TTC3: variants seen among roughly 807,000 people sequenced by gnomAD.
The protein encoded by TTC3 is E3 ubiquitin-protein ligase TTC3.
In TTC3, 180 loss-of-function variants were observed where a neutral mutation model predicts 249.6. The ratio of observed to expected loss-of-function variants is 0.72; its 90% CI spans 0.64 to 0.82. The LOEUF (loss-of-function observed/expected upper bound fraction) is 0.82. Ranked by LOEUF, TTC3 falls within the 40% of genes least tolerant of loss-of-function variation. The pLI, the probability that TTC3 is intolerant of heterozygous loss-of-function variation, is 0.00. For synonymous variants in TTC3, 717 were observed against 805.0 expected (o/e 0.89, Z 1.85); for missense variants, 2,061 against 2,398.4 (o/e 0.86, Z 2.94).
chr21:37,150,936 A>G (rs747141773), intron 25 of TTC3, 52 bp downstream of exon 25: 1 of 1,285,228 alleles, frequency 7.8e-7, no homozygotes. Flanking sequence ...TTAGAATATA[A>G]TTCTATTAAA....
chr21:37,161,903 A>G (rs2080792410), intron 30 of TTC3, 87 bp from the exon 31 acceptor site: 11 of 860,850 alleles, frequency 1.3e-5, no homozygotes, highest in South Asian at 2.2e-5. Flanking sequence ...GTGTGTTTAT[A>G]TAAGTATTCA....
At chr21:37,150,908 G>A in intron 25 of TTC3, 24 bp downstream of exon 25, 1 of 1,488,964 alleles carries the variant, frequency 6.7e-7, no homozygotes, top group African/African-American at 1.4e-5. Context: ...CAATCAATCA[G>A]TGGTTTGATG....
At chr21:37,187,071 A>G (rs1427136883) in exon 38 of TTC3, 1 of 1,551,612 alleles carries the variant, frequency 6.4e-7, no homozygotes, top group East Asian at 2.4e-5. Flanking sequence ...AAATGAGAAA[A>G]TGAAAATAGA....
intron 19 of TTC3, 45 bp downstream of exon 19, chr21:37,138,759 C>A: frequency 7.7e-7 from 1 of 1,302,664 alleles, no homozygotes; most frequent in Non-Finnish European, 1.1e-6. Context: ...ATGATATTGA[C>A]ATATCTTATA....
In TTC3 at chr21:37,113,475, C is replaced by A. The variant is rs564432261; in HGVS notation, c.900+5029C>A. 7.2e-5 allele frequency among the ~76,000 whole-genome samples: 11 copies of A among 152,286 alleles called. No homozygotes were observed. The South Asian group carries it at 2.3e-3, about 32-fold the overall frequency. ...ATAAAATACCTAGGAATCCAACTTA[C>A]AAGGGATGTGAAGGACCTCTTCAAG... On this transcript the variant is annotated intron_variant, in intron 11 of 45. Transcript: ENST00000355666.
chr21:37,200,438 T>G, intron 45 of TTC3, 114 bp downstream of exon 45: 1 of 1,180,244 alleles, frequency 8.5e-7, no homozygotes. Context: ...TCAAACTATT[T>G]TCTTTGCAAA....
At chr21:37,198,838 T>C (rs1240994041) in intron 44 of TTC3, among the ~76,000 whole-genome samples, 1 of 124,540 alleles carries the variant, frequency 8.0e-6, no homozygotes, top group Non-Finnish European at 1.7e-5. Flanking sequence ...CTGAATGTTT[T>C]GGTTGTTTTC....
chr21:37,074,317 C>G (rs534521591), intron 1 of TTC3, among the ~76,000 whole-genome samples: 5 of 152,322 alleles, frequency 3.3e-5, no homozygotes, highest in African/African-American at 1.2e-4. Flanking sequence ...CCAGCCTGTT[C>G]AGGAGACAGA....
chr21:37,102,735 G>C (rs917046098), intron 10 of TTC3, among the ~76,000 whole-genome samples: 6 of 152,176 alleles, frequency 3.9e-5, no homozygotes, highest in African/African-American at 1.4e-4. Flanking sequence ...AGTGGCTCGT[G>C]CCTGTAATCC....
intron 1 of TTC3, among the ~76,000 whole-genome samples, chr21:37,079,271 T>G (rs1038146373): frequency 2.0e-5 from 3 of 152,146 alleles, no homozygotes; most frequent in Admixed American, 2.0e-4. Context: ...TTACACTGAC[T>G]TTATACCATG....
At chr21:37,167,665 T>A in intron 34 of TTC3, 45 bp downstream of exon 34, 1 of 1,460,930 alleles carries the variant, frequency 6.8e-7, no homozygotes, top group Non-Finnish European at 9.5e-7. Flanking sequence ...TAGTTTTCAT[T>A]AATTTATCTA....
intron 1 of TTC3, among the ~76,000 whole-genome samples, chr21:37,085,161 A>G (rs1007876280): frequency 1.1e-4 from 17 of 152,188 alleles, no homozygotes; most frequent in African/African-American, 3.9e-4. Context: ...AATTGATGCC[A>G]TGATGTGTGG....
intron 25 of TTC3, 135 bp from the exon 26 acceptor site, chr21:37,151,758 T>C: frequency 5.9e-6 from 6 of 1,021,372 alleles, no homozygotes; most frequent in Non-Finnish European, 8.1e-6. Context: ...GACAGTTTCT[T>C]ACATTGAATG....
chr21:37,088,448 A>G (rs2072806597), intron 4 of TTC3, 102 bp downstream of exon 4: 1 of 1,392,818 alleles, frequency 7.2e-7, no homozygotes, highest in Admixed American at 2.3e-5. Context: ...TTATTCTTGT[A>G]TGCTGCTCAA....
chr21:37,128,734 A>G (rs8129231), intron 15 of TTC3, among the ~76,000 whole-genome samples: 80,853 of 151,906 alleles, frequency 0.53, 22,151 homozygotes, highest in African/African-American at 0.64. Context: ...AACTGAGAAC[A>G]GGAGTTATCT....
intron 12 of TTC3, among the ~76,000 whole-genome samples, chr21:37,122,433 T>TA (rs2076681913): frequency 3.8e-5 from 1 of 26,598 alleles, no homozygotes; most frequent in Admixed American, 4.2e-4. Flanking sequence ...TATATATATA[T>TA]ATATTATATA....
chr21:37,198,085 A>G, intron 44 of TTC3, 60 bp downstream of exon 44: 1 of 1,515,124 alleles, frequency 6.6e-7, no homozygotes, highest in African/African-American at 1.4e-5. Context: ...CAAAATTTTT[A>G]ATCCATGATT....
chr21:37,129,113 C>T, intron 16 of TTC3, 50 bp downstream of exon 16: 1 of 1,366,500 alleles, frequency 7.3e-7, no homozygotes, highest in South Asian at 1.4e-5. Flanking sequence ...ATACTCTTCC[C>T]AAGAAAAAGG....
chr21:37,126,180 A>G, intron 15 of TTC3, 37 bp downstream of exon 15: 1 of 1,595,176 alleles, frequency 6.3e-7, no homozygotes, highest in Non-Finnish European at 8.6e-7. Flanking sequence ...TGCCAAGTTA[A>G]TATAATGTCT....
Sources: gnomAD v4.1 joint callset for allele counts (sites outside exome capture counted in the v4.1 genomes callset) on GRCh38, gnomAD v4.1.1 for gene constraint, MANE v1.5 for transcripts, NCBI Gene and HGNC (gene_info 2026-07-23, HGNC 2026-07-21) for gene names.